The following DECR2 variants were observed in gnomAD, a reference collection of about 807,000 sequenced individuals.
The protein encoded by DECR2 is peroxisomal 2,4-dienoyl-CoA reductase [(3E)-enoyl-CoA-producing].
Under a neutral mutation model 29.2 loss-of-function variants are expected in DECR2, and 34 were observed. The ratio of observed to expected loss-of-function variants is 1.16; its 90% CI spans 0.89 to 1.55. The LOEUF (loss-of-function observed/expected upper bound fraction) is 1.55. Among genes scored for constraint, DECR2 ranks in the 40% most tolerant of loss-of-function variants. DECR2 has a pLI of 0.00. For missense variants in DECR2, 485 were observed against 425.3 expected (o/e 1.14, Z -1.23); for synonymous variants, 224 against 182.7 (o/e 1.23, Z -1.82).
chr16:402,734 A>G (rs1443784585), intron 1 of DECR2, among the ~76,000 whole-genome samples: 1 of 151,500 alleles, frequency 6.6e-6, no homozygotes, highest in African/African-American at 2.4e-5. Flanking sequence ...CTGTAATCCC[A>G]GCTCTTTGGG....
At chr16:407,144 C>G (rs1453493919) in intron 3 of DECR2, 3 of 1,247,692 alleles carry the variant, frequency 2.4e-6, no homozygotes, top group African/African-American at 3.0e-5. Context: ...TGTGCCACCT[C>G]TGGTCTGCAG....
rs1162987428 is a variant in DECR2 at position 407,548 on chromosome 16, A to T, written c.325A>T (p.Ile109Phe). ...QALKEFGRIDILINCAAGNFL... is the reference protein window; with the variant it reads ...QALKEFGRIDFLINCAAGNFL... ...TCTGAAGGAGTTTGGCAGAATCGAC[A>T]TTCTCATTAACTGTGAGTCGGTGCT... The change falls in exon 4 of 9, where the codon ATT (isoleucine) becomes TTT (phenylalanine). Residue 109 changes from isoleucine (I) to phenylalanine (F), a missense_variant. Ile to Phe is a conservative substitution (Grantham distance 21, BLOSUM62 0). Coordinates refer to ENST00000219481, the MANE Select transcript of DECR2 (RefSeq NM_020664.4). 3 of 1,613,890 alleles carry T rather than the reference A, an allele frequency of 1.9e-6. No individual in the cohort carries two copies. Among genetic ancestry groups the T allele is most frequent in the Admixed American group, 3.3e-5 (2 of 59,988 alleles).
chr16:410,181 A>G lies in DECR2; in HGVS notation c.338-62A>G, dbSNP rs571749034. ...CACCCTCCGCTCTGCCCACCTGGCC[A>G]CCACCCACTTGGCATCCCTCTCCCC... On this transcript the variant is annotated intron_variant, in intron 4 of 8. Coordinates refer to ENST00000219481, the MANE Select transcript of DECR2 (RefSeq NM_020664.4). The surrounding 1 kb of genome is among the most constrained non-coding windows in gnomAD (Gnocchi z 4.1). 2.5e-6 allele frequency: 4 copies of G among 1,577,946 alleles called. No homozygotes were observed. In the East Asian group the frequency reaches 9.3e-5, roughly 37 times the overall value.
At chr16:402,073 C>T (rs2054672855) in intron 1 of DECR2, 30 bp downstream of exon 1, 5 of 1,326,534 alleles carry the variant, frequency 3.8e-6, no homozygotes, top group Non-Finnish European at 4.8e-6. Flanking sequence ...CGAGCGCAGC[C>T]TTGGTGCGGG....
In DECR2 at chr16:410,210, C is replaced by G; in HGVS notation, c.338-33C>G. ...CCCACTTGGCATCCCTCTCCCCAGG[C>G]TCCAGCAGCTCCTGCGGTCTCCCAT... On this transcript the variant is annotated intron_variant, in intron 4 of 8. Coordinates refer to ENST00000219481, the MANE Select transcript of DECR2 (RefSeq NM_020664.4). The surrounding 1 kb of genome is among the most constrained non-coding windows in gnomAD (Gnocchi z 4.1). The G allele has an allele frequency of 6.2e-7, 1 of 1,605,280 alleles. No homozygotes were observed. The highest frequency in any genetic ancestry group is 8.5e-7 in the Non-Finnish European group (1 of 1,175,892).
chr16:411,244 G>T, intron 7 of DECR2, 117 bp from the exon 8 acceptor site: 1 of 1,216,308 alleles, frequency 8.2e-7, no homozygotes, highest in Non-Finnish European at 1.1e-6. Flanking sequence ...GCTAGGCCTT[G>T]GTGACACTGA....
At chr16:406,122 A>G (rs1243297306) in intron 2 of DECR2, among the ~76,000 whole-genome samples, 2 of 152,164 alleles carry the variant, frequency 1.3e-5, no homozygotes, top group Non-Finnish European at 2.9e-5. Flanking sequence ...CAGGACCCGC[A>G]GGCCTGTGCG....
chr16:402,802 G>T (rs1286702995), intron 1 of DECR2: 1 of 152,716 alleles, frequency 6.5e-6, no homozygotes, highest in African/African-American at 2.4e-5. Flanking sequence ...TGGCCAACAT[G>T]GTGAAACCCC....
Position 411,349 on chromosome 16 carries a change from G to C in DECR2, c.662-12G>C, listed in dbSNP as rs1484391359. The C allele has an allele frequency of 6.3e-7, 1 of 1,599,808 alleles. No individual in the cohort carries two copies. Among genetic ancestry groups the C allele is most frequent in the African/African-American group, 1.3e-5 (1 of 74,824 alleles). Reference sequence around the variant, plus strand: ...GGGGCTCACGGGGCCTGAGCCTTCTGCTGCCCTCCAGGTGGCCCTCAGGCC... The same window carrying C: ...GGGGCTCACGGGGCCTGAGCCTTCTCCTGCCCTCCAGGTGGCCCTCAGGCC... On this transcript the variant is annotated splice_polypyrimidine_tract_variant and intron_variant, in intron 7 of 8. Coordinates refer to ENST00000219481, the MANE Select transcript of DECR2 (RefSeq NM_020664.4).
In DECR2 at chr16:410,333, A is replaced by G. The variant is rs201481606; in HGVS notation, c.428A>G (p.Asn143Ser). The change falls in exon 5 of 9, where the codon AAT (asparagine) becomes AGT (serine). Residue 143 changes from asparagine (N) to serine (S), a missense_variant. Asn to Ser is a conservative substitution (Grantham distance 46). Transcript: ENST00000219481. The surrounding 1 kb of genome is among the most constrained non-coding windows in gnomAD (Gnocchi z 4.1). Reference protein sequence around the residue: ...VMDIDTSGTFNVSRVLYEKFF... With the variant: ...VMDIDTSGTFSVSRVLYEKFF... ...GACATCGATACCAGCGGCACCTTCA[A>G]TGTGTCTCGTGTGCTCTATGAGAAG... is the stretch of plus-strand genomic sequence containing the variant. 18 of 1,612,680 alleles carry G rather than the reference A, an allele frequency of 1.1e-5. No homozygotes were observed. The highest frequency in any genetic ancestry group is 1.4e-5 in the Non-Finnish European group (17 of 1,179,440).
chr16:410,061 G>A lies in DECR2; in HGVS notation c.338-182G>A, dbSNP rs1597205914. The A allele has an allele frequency of 6.3e-6, 5 of 799,822 alleles. No homozygotes were observed. The East Asian group carries it at 1.4e-4, about 22-fold the overall frequency. The allele number at this position is 799,822 out of a possible 1,614,324, so 49.5% of individuals were successfully genotyped here. A position where few individuals can be genotyped will look rare whatever the true frequency, so the allele number is the denominator to read the frequency against. ...TGTCTTCTCTTCTCGGGGACACAGT[G>A]CAGCCAGGACGCCCGTCTTGCTCTG... On this transcript the variant is annotated intron_variant, in intron 4 of 8. Coordinates refer to ENST00000219481, the MANE Select transcript of DECR2 (RefSeq NM_020664.4). The surrounding 1 kb of genome is among the most constrained non-coding windows in gnomAD (Gnocchi z 4.1).
chr16:407,453 G>A lies in DECR2; in HGVS notation c.230G>A (p.Gly77Asp), dbSNP rs1361471355. ...TAARKLAGAT[G>D]RRCLPLSMDV... is the part of the protein sequence containing the mutation. ...GCCAGGAAGCTGGCTGGGGCCACCG[G>A]CCGGCGCTGCCTCCCTCTCTCTATG... Residue 77 changes from glycine to aspartate, a missense_variant, in exon 4 of 9, where the codon GGC becomes GAC. Physicochemically the swap from Gly to Asp is moderately conservative, Grantham distance 94 (BLOSUM62 -1). Transcript: ENST00000219481. 1 of 1,611,418 alleles carries A rather than the reference G, an allele frequency of 6.2e-7. No individual in the cohort carries two copies. The highest frequency in any genetic ancestry group is 1.3e-5 in the African/African-American group (1 of 75,042).
chr16:408,248 CGGCCCCCTGTCTCT>C (rs1475846596), intron 4 of DECR2, among the ~76,000 whole-genome samples: 2 of 147,266 alleles, frequency 1.4e-5, no homozygotes, highest in East Asian at 2.1e-4. Flanking sequence ...CCTCTGTCTC[CGGCCCCCTGTCTCT>C]GGGCCTCTGT....
In DECR2 at chr16:410,540, C is replaced by T. The variant is rs2054802248; in HGVS notation, c.463-151C>T. 4.8e-6 allele frequency: 7 copies of T among 1,459,814 alleles called. No individual in the cohort carries two copies. Among genetic ancestry groups the T allele is most frequent in the Non-Finnish European group, 2.8e-6 (3 of 1,076,930 alleles). The allele number at this position is 1,459,814 out of a possible 1,614,324, so 90.4% of individuals were successfully genotyped here. On this transcript the variant is annotated intron_variant, in intron 5 of 8. Coordinates refer to ENST00000219481, the MANE Select transcript of DECR2 (RefSeq NM_020664.4). The surrounding 1 kb of genome is among the most constrained non-coding windows in gnomAD (Gnocchi z 4.1). ...CCGCCCGCTCCCTGCCCTGGGCCTC[C>T]CCATGACGGCCGCCCGCTCCCTGCC...
chr16:401,944 C>A lies in DECR2; in HGVS notation c.-20C>A. On this transcript the variant is annotated 5_prime_UTR_variant, in exon 1 of 9. Transcript: ENST00000219481. The stretch of plus-strand genomic sequence containing the variant: ...AGGCCGCTCCCGCCCGTTGTCCCCG[C>A]AGTCCCCGACGGGAGCGCCATGGCC... 1 of 1,479,436 alleles carries A rather than the reference C, an allele frequency of 6.8e-7. No individual in the cohort carries two copies. The allele number at this position is 1,479,436 out of a possible 1,614,324, so 91.6% of individuals were successfully genotyped here. A position where few individuals can be genotyped will look rare whatever the true frequency, so the allele number is the denominator to read the frequency against.
Position 401,887 on chromosome 16 carries a change from G to C in DECR2, c.-77G>C, listed in dbSNP as rs2054669737. 7.6e-7 allele frequency: 1 copy of C among 1,319,936 alleles called. No homozygotes were observed. Among genetic ancestry groups the C allele is most frequent in the Non-Finnish European group, 9.9e-7 (1 of 1,011,672 alleles). The allele number at this position is 1,319,936 out of a possible 1,614,324, so 81.8% of individuals were successfully genotyped here. The stretch of plus-strand genomic sequence containing the variant: ...GGGCGGGGCTCCCGGTTCCAGGCGA[G>C]TTCGCAGCTGCGCGCCGGGTCCTGG... On this transcript the variant is annotated 5_prime_UTR_variant, in exon 1 of 9. Transcript: ENST00000219481.
intron 4 of DECR2, among the ~76,000 whole-genome samples, chr16:408,301 C>T (rs1441748963): frequency 6.6e-6 from 1 of 151,756 alleles, no homozygotes; most frequent in Non-Finnish European, 1.5e-5. Context: ...CCCCCTGTCT[C>T]CGGGCTTCTG....
chr16:410,198 C>T lies in DECR2; in HGVS notation c.338-45C>T, dbSNP rs1396267242. ...ACCTGGCCACCACCCACTTGGCATC[C>T]CTCTCCCCAGGCTCCAGCAGCTCCT... On this transcript the variant is annotated intron_variant, in intron 4 of 8. Transcript: ENST00000219481. This position sits in a 1 kb window ranked among gnomAD's most constrained non-coding sequence, Gnocchi z 4.1. 3.1e-6 allele frequency: 5 copies of T among 1,594,520 alleles called. No individual in the cohort carries two copies. The East Asian group carries it at 9.1e-5, about 29-fold the overall frequency.
intron 7 of DECR2, 76 bp from the exon 8 acceptor site, chr16:411,285 A>G: frequency 7.0e-7 from 1 of 1,424,818 alleles, no homozygotes; most frequent in Non-Finnish European, 9.5e-7. Context: ...GATGCCTCTC[A>G]GGGAATGAGC....
Sources: gnomAD v4.1 joint callset for allele counts (sites outside exome capture counted in the v4.1 genomes callset) on GRCh38, gnomAD v4.1.1 for gene constraint, Gnocchi (gnomAD v3.1) non-coding constraint, MANE v1.5 for transcripts, NCBI Gene and HGNC (gene_info 2026-07-23, HGNC 2026-07-21) for gene names.